Variants in THSD4 observed in about 807,000 individuals in gnomAD.
The protein encoded by THSD4 is thrombospondin type-1 domain-containing protein 4.
THSD4 carries 69 observed loss-of-function variants against 119.0 expected under a neutral mutation model. That is an observed-to-expected ratio of 0.58 (90% CI 0.48 to 0.71). THSD4 has a LOEUF of 0.71. Among genes scored for constraint, THSD4 ranks in the 30% least tolerant of loss-of-function variants. The probability of loss-of-function intolerance (pLI) is 0.00; values close to 1 mark genes in which losing one functional copy is unlikely to be tolerated. For missense variants in THSD4, 1,393 were observed against 1,391.1 expected (o/e 1.00, Z -0.02); for synonymous variants, 524 against 540.4 (o/e 0.97, Z 0.42).
At chr15:71,111,284 C>A (rs547729942), upstream of THSD4, 2 of 1,613,810 alleles carry the variant, frequency 1.2e-6, no homozygotes, top group Non-Finnish European at 1.7e-6. Context: ...CTTGACATTC[C>A]GTCTGGAAAC....
intron 14 of THSD4, among the ~76,000 whole-genome samples, chr15:71,751,490 A>T (rs919201555): frequency 6.6e-6 from 1 of 152,142 alleles, no homozygotes; most frequent in Non-Finnish European, 1.5e-5. Flanking sequence ...TTTTAAAGAT[A>T]TAAATGTATC....
chr15:71,377,576 G>A (rs17787836), intron 6 of THSD4, among the ~76,000 whole-genome samples: 4,485 of 152,134 alleles, frequency 0.029, 133 homozygotes, highest in African/African-American at 0.071. Context: ...GAAGGTGGTC[G>A]TCTGCAGTGT....
chr15:71,312,337 G>A (rs1255854927), intron 6 of THSD4, among the ~76,000 whole-genome samples: 4 of 152,018 alleles, frequency 2.6e-5, no homozygotes, highest in African/African-American at 9.7e-5. Context: ...CGAGGCAGGG[G>A]GTGGAGTGGG....
At chr15:71,101,199 A>T (rs1036147453) in intron 1 of THSD4, among the ~76,000 whole-genome samples, 9 of 151,796 alleles carry the variant, frequency 5.9e-5, no homozygotes, top group African/African-American at 1.9e-4. Flanking sequence ...TGGGAAAAAA[A>T]TTTTAGTAGC....
At chr15:71,325,163 CT>C (rs2045322534) in intron 6 of THSD4, among the ~76,000 whole-genome samples, 1 of 152,194 alleles carries the variant, frequency 6.6e-6, no homozygotes, top group African/African-American at 2.4e-5. Context: ...ATAACCAACC[CT>C]TCTTGCTGAA....
At chr15:71,349,534 G>A (rs1434379555) in intron 6 of THSD4, among the ~76,000 whole-genome samples, 1 of 152,098 alleles carries the variant, frequency 6.6e-6, no homozygotes, top group Non-Finnish European at 1.5e-5. Context: ...AGTGACCCCT[G>A]ACCCCAGAGC....
intron 7 of THSD4, among the ~76,000 whole-genome samples, chr15:71,413,829 C>G (rs956942135): frequency 6.6e-6 from 1 of 152,232 alleles, no homozygotes; most frequent in South Asian, 2.1e-4. Flanking sequence ...CACACATCCT[C>G]TCTGAGCTTC....
At chr15:71,225,059 C>A (rs930170541) in intron 4 of THSD4, among the ~76,000 whole-genome samples, 2 of 152,162 alleles carry the variant, frequency 1.3e-5, no homozygotes, top group African/African-American at 2.4e-5. Flanking sequence ...AGGACAACTT[C>A]TGTGCCAGCA....
chr15:71,300,749 A>G (rs2044937407), intron 6 of THSD4, among the ~76,000 whole-genome samples: 1 of 152,260 alleles, frequency 6.6e-6, no homozygotes, highest in African/African-American at 2.4e-5. Flanking sequence ...GGAGAACACT[A>G]TATGAGAACT....
At chr15:71,136,885 C>T (rs1475981020) in intron 1 of THSD4, among the ~76,000 whole-genome samples, 1 of 152,138 alleles carries the variant, frequency 6.6e-6, no homozygotes, top group African/African-American at 2.4e-5. Flanking sequence ...GTTCAGGCAG[C>T]ATGGCATCCC....
At chr15:71,165,467 G>A (rs1199996183) in intron 3 of THSD4, 4 of 1,328,134 alleles carry the variant, frequency 3.0e-6, no homozygotes, top group Non-Finnish European at 4.2e-6. Flanking sequence ...TGCCCGTCCG[G>A]CTCTCACTTG....
At chr15:71,485,454 T>C (rs1008907315) in intron 7 of THSD4, among the ~76,000 whole-genome samples, 4 of 152,230 alleles carry the variant, frequency 2.6e-5, no homozygotes, top group Admixed American at 6.5e-5. Flanking sequence ...CTCAGAATTA[T>C]TGTGGTTCAG....
chr15:71,342,292 G>A (rs1248691076), intron 6 of THSD4: 1 of 170,400 alleles, frequency 5.9e-6, no homozygotes, highest in Non-Finnish European at 1.3e-5. Context: ...ACTGCCACGG[G>A]GAGTGCACAG....
intron 14 of THSD4, among the ~76,000 whole-genome samples, chr15:71,753,530 A>G (rs185977364): frequency 2.6e-5 from 4 of 152,332 alleles, no homozygotes; most frequent in Admixed American, 2.6e-4. Flanking sequence ...CTGGAATGAG[A>G]AGGCAGTCCC....
At chr15:71,300,238 AT>A (rs1160651411) in intron 6 of THSD4, among the ~76,000 whole-genome samples, 4 of 152,080 alleles carry the variant, frequency 2.6e-5, no homozygotes, top group Non-Finnish European at 5.9e-5. Context: ...AAACAAAAAA[AT>A]AATGTGTTTA....
intron 3 of THSD4, among the ~76,000 whole-genome samples, chr15:71,210,189 G>T (rs6494899): frequency 0.47 from 70,767 of 151,988 alleles, 17,267 homozygotes; most frequent in Middle Eastern, 0.67. Context: ...GGTATCCTGG[G>T]TGCTCATGAA....
At chr15:71,213,711 A>C (rs1343424070) in intron 3 of THSD4, among the ~76,000 whole-genome samples, 1 of 152,202 alleles carries the variant, frequency 6.6e-6, no homozygotes, top group Non-Finnish European at 1.5e-5. Flanking sequence ...ATGAGGGTAT[A>C]GATCACTCTT....
intron 15 of THSD4, among the ~76,000 whole-genome samples, chr15:71,759,678 T>A (rs763933418): frequency 2.6e-5 from 4 of 152,202 alleles, no homozygotes; most frequent in Non-Finnish European, 4.4e-5. Context: ...TCATATCAGA[T>A]CATTACAGTC....
chr15:71,727,769 CA>C (rs11446418), intron 8 of THSD4, among the ~76,000 whole-genome samples: 2,337 of 126,298 alleles, frequency 0.019, 65 homozygotes, highest in African/African-American at 0.065. Flanking sequence ...GACCCTGTCT[CA>C]AAAAAAAAAG....
Sources: gnomAD v4.1 joint callset for allele counts (sites outside exome capture counted in the v4.1 genomes callset) on GRCh38, gnomAD v4.1.1 for gene constraint, MANE v1.5 for transcripts, NCBI Gene and HGNC (gene_info 2026-07-23, HGNC 2026-07-21) for gene names.